Variants in DHX30 observed in about 807,000 individuals in gnomAD.
The protein encoded by DHX30 is DExH-box helicase 30, also known as ATP-dependent RNA helicase DHX30.
In DHX30, 4 loss-of-function variants were observed where a neutral mutation model predicts 116.9. The observed-to-expected ratio is 0.03, with a 90% CI of 0.02 to 0.08. The LOEUF (loss-of-function observed/expected upper bound fraction) is 0.08, where lower values mean the gene tolerates loss of function less well. Among genes scored for constraint, DHX30 ranks in the 10% least tolerant of loss-of-function variants. The pLI is 1.00. For synonymous variants in DHX30, 697 were observed against 651.7 expected (o/e 1.07, Z -1.06); for missense variants, 871 against 1,595.1 (o/e 0.55, Z 7.73).
chr3:47,833,603 T>C (rs1335832339), intron 6 of DHX30, among the ~76,000 whole-genome samples: 2 of 151,052 alleles, frequency 1.3e-5, no homozygotes, highest in African/African-American at 4.9e-5. Flanking sequence ...CTCATGCCTG[T>C]AATCTCAGCA....
chr3:47,805,315 G>C lies in DHX30; in HGVS notation c.-122-11G>C. 2.5e-6 allele frequency: 1 copy of C among 399,024 alleles called. No homozygotes were observed. The highest frequency in any genetic ancestry group is 4.4e-6 in the Non-Finnish European group (1 of 226,066). The allele number at this position is 399,024 out of a possible 1,614,324, so 24.7% of individuals were successfully genotyped here. The stretch of plus-strand genomic sequence containing the variant: ...GCCTCCACTGTATTGACTCAGCGTT[G>C]TACTTCTCAGGAGGAGGCCCAGCCT... On this transcript the variant is annotated splice_polypyrimidine_tract_variant and intron_variant, in intron 1 of 21. Transcript: ENST00000445061.
Position 47,846,962 on chromosome 3 carries a change from G to C in DHX30, c.1890G>C (p.Leu630Phe), listed in dbSNP as rs138537657. ...EHYLEDILAK[L>F]GKHQYLHRHR... The stretch of plus-strand genomic sequence containing the variant: ...ACCTAGAGGACATCCTGGCCAAGTT[G>C]GGCAAGCACCAGTACCTGCACCGGC... The change falls in exon 11 of 22, where the codon TTG (leucine) becomes TTC (phenylalanine). Residue 630 changes from leucine (L) to phenylalanine (F), a missense_variant. Physicochemically the swap from Leu to Phe is conservative, Grantham distance 22. Around this residue, in one of 13 missense-constraint regions of DHX30, gnomAD observed 61 missense variants for 106.7 expected, o/e 0.57. Transcript: ENST00000445061. 3 of 1,613,310 alleles carry C rather than the reference G, an allele frequency of 1.9e-6. No individual in the cohort carries two copies. In the African/African-American group the frequency reaches 4.0e-5, roughly 22 times the overall value.
chr3:47,828,867 G>T (rs2036672543), intron 5 of DHX30, among the ~76,000 whole-genome samples, 157 bp from the exon 6 acceptor site: 1 of 152,094 alleles, frequency 6.6e-6, no homozygotes, highest in African/African-American at 2.4e-5. Context: ...TTAATGATGG[G>T]ATTGGGGTTC....
In DHX30 at chr3:47,848,964, C is replaced by A; in HGVS notation, c.2814C>A (p.Ala938=). 6.2e-7 allele frequency: 1 copy of A among 1,613,292 alleles called. No homozygotes were observed. Among genetic ancestry groups the A allele is most frequent in the Non-Finnish European group, 8.5e-7 (1 of 1,179,642 alleles). ...ATGACAGCGGCAGTGACCACCTGGC[C>A]TTTGTGCGGGCTGTCGCCGGCTGGG... is the stretch of plus-strand genomic sequence containing the variant. ...LSHDSGSDHL[A]FVRAVAGWEE... The change falls in exon 18 of 22, where the codon GCC becomes GCA. Residue 938 remains alanine (A), a synonymous_variant. Coordinates refer to ENST00000445061, the MANE Select transcript of DHX30 (RefSeq NM_138615.3). The surrounding 1 kb of genome is among the most constrained non-coding windows in gnomAD (Gnocchi z 9.4).
intron 6 of DHX30, among the ~76,000 whole-genome samples, chr3:47,834,164 C>T (rs146424539): frequency 2.2e-3 from 340 of 152,214 alleles, no homozygotes; most frequent in African/African-American, 7.9e-3. Context: ...AGTGCAGTGG[C>T]GTGATCTTGG....
intron 6 of DHX30, among the ~76,000 whole-genome samples, chr3:47,830,013 G>A (rs2036768136): frequency 6.6e-6 from 1 of 151,140 alleles, no homozygotes; most frequent in Non-Finnish European, 1.5e-5. Context: ...TGTATTTTTA[G>A]TAGAGATGGG....
intron 1 of DHX30, among the ~76,000 whole-genome samples, chr3:47,804,711 G>C (rs936635713): frequency 6.6e-6 from 1 of 152,266 alleles, no homozygotes; most frequent in South Asian, 2.1e-4. Context: ...AAGAAAATTA[G>C]CCTAGTATAA....
At chr3:47,839,841 A>C in intron 6 of DHX30, among the ~76,000 whole-genome samples, 1 of 149,432 alleles carries the variant, frequency 6.7e-6, no homozygotes, top group South Asian at 2.1e-4. Context: ...ACGCCCGGCT[A>C]ATTTTTGTAT....
chr3:47,814,841 T>G (rs1017948733), intron 3 of DHX30, among the ~76,000 whole-genome samples: 1 of 151,788 alleles, frequency 6.6e-6, no homozygotes, highest in Non-Finnish European at 1.5e-5. Flanking sequence ...GTTAGTTTTG[T>G]TTTGTTTTGT....
At chr3:47,828,586 A>G (rs1286048371) in intron 5 of DHX30, among the ~76,000 whole-genome samples, 1 of 152,062 alleles carries the variant, frequency 6.6e-6, no homozygotes, top group Non-Finnish European at 1.5e-5. Context: ...CCTGGCTAAC[A>G]TAGTGAAATC....
At position 47,846,419 on chromosome 3, in the gene DHX30, G is replaced by A. The variant is rs770285831; in HGVS notation, c.1347G>A (p.Gln449=). 14 of 1,614,040 alleles carry A rather than the reference G, an allele frequency of 8.7e-6. No individual in the cohort carries two copies. The Admixed American group carries it at 2.3e-4, about 27-fold the overall frequency. Residue 449 remains glutamine (Q), a synonymous_variant, in exon 11 of 22, where the codon CAG becomes CAA. Coordinates refer to ENST00000445061, the MANE Select transcript of DHX30 (RefSeq NM_138615.3). ...HRDTILNAIE[Q]HPVVVISGDT... ...ACACCATCCTCAACGCCATTGAGCAGCACCCGGTGGTGGTCATCTCTGGGG... is the reference window on the plus strand; with the variant it reads ...ACACCATCCTCAACGCCATTGAGCAACACCCGGTGGTGGTCATCTCTGGGG...
rs2107143706 is a variant in DHX30 at position 47,848,288 on chromosome 3, C to T, written c.2395C>T (p.Arg799Trp). The change falls in exon 15 of 22, where the codon CGG becomes TGG. Residue 799 changes from arginine to tryptophan, a missense_variant. This residue lies in a region of DHX30 where 14 missense variants were observed against 16.2 expected (regional missense o/e 0.86). Coordinates refer to ENST00000445061, the MANE Select transcript of DHX30 (RefSeq NM_138615.3). This position sits in a 1 kb window ranked among gnomAD's most constrained non-coding sequence, Gnocchi z 9.4. Reference protein sequence around the residue: ...GFAYHLFPRSRLEKMVPFQVP... With the variant: ...GFAYHLFPRSWLEKMVPFQVP... ...TGCCTACCACTTGTTCCCTCGAAGC[C>T]GGCTGGAGAAAATGGTCCCTTTCCA... 1 of 1,613,876 alleles carries T rather than the reference C, an allele frequency of 6.2e-7. No individual in the cohort carries two copies. The highest frequency in any genetic ancestry group is 1.3e-5 in the African/African-American group (1 of 75,028).
Position 47,840,862 on chromosome 3 carries a change from C to G in DHX30, c.367-15C>G. The G allele has an allele frequency of 6.2e-7, 1 of 1,613,994 alleles. No homozygotes were observed. ...AGATGGTATCAATCCTTAAAACGTC[C>G]CTTTTCCCCTCCAGGGTTGGGGTCT... is the stretch of plus-strand genomic sequence containing the variant. On this transcript the variant is annotated splice_polypyrimidine_tract_variant and intron_variant, in intron 6 of 21. Coordinates refer to ENST00000445061, the MANE Select transcript of DHX30 (RefSeq NM_138615.3).
chr3:47,843,203 G>A lies in DHX30; in HGVS notation c.887G>A (p.Arg296His), dbSNP rs902500406. The change falls in exon 9 of 22, where the codon CGC becomes CAC. Residue 296 changes from arginine to histidine, a missense_variant. Around this residue, in one of 13 missense-constraint regions of DHX30, gnomAD observed 175 missense variants for 292.9 expected, o/e 0.60. Transcript: ENST00000445061. ...CPMTFVAKGR[R>H]KAEAENKAAA... Reference sequence around the variant, plus strand: ...ATGACCTTTGTTGCCAAAGGGCGCCGCAAAGCAGAGGCTGAGAATAAGGCG... The same window carrying A: ...ATGACCTTTGTTGCCAAAGGGCGCCACAAAGCAGAGGCTGAGAATAAGGCG... The A allele has an allele frequency of 1.2e-6, 2 of 1,614,162 alleles. No homozygotes were observed. Among genetic ancestry groups the A allele is most frequent in the South Asian group, 1.1e-5 (1 of 91,096 alleles).
intron 3 of DHX30, chr3:47,816,995 G>A: frequency 1.0e-6 from 1 of 978,596 alleles, no homozygotes; most frequent in Non-Finnish European, 1.2e-6. Flanking sequence ...CAGCTCCTTT[G>A]CTTTCAGAAT....
At chr3:47,832,537 A>G (rs756924381) in intron 6 of DHX30, among the ~76,000 whole-genome samples, 2 of 151,946 alleles carry the variant, frequency 1.3e-5, no homozygotes, top group Non-Finnish European at 2.9e-5. Context: ...TCTGTGTTTA[A>G]TGTCTCGAAA....
chr3:47,841,919 C>T, intron 8 of DHX30, 182 bp downstream of exon 8: 1 of 797,144 alleles, frequency 1.3e-6, no homozygotes, highest in Non-Finnish European at 2.0e-6. Context: ...GGTCAAGCCT[C>T]AGCAGCACAG....
chr3:47,833,154 AAC>A (rs1357505635), intron 6 of DHX30, among the ~76,000 whole-genome samples: 1 of 152,030 alleles, frequency 6.6e-6, no homozygotes, highest in Non-Finnish European at 1.5e-5. Flanking sequence ...CACTTTCATA[AAC>A]ACAGAATGAA....
intron 4 of DHX30, chr3:47,826,062 C>T (rs2036538542): frequency 6.6e-6 from 1 of 152,230 alleles, no homozygotes; most frequent in South Asian, 2.1e-4. Flanking sequence ...ATAGAGTCGC[C>T]TCCAACATCG....
Sources: gnomAD v4.1 joint callset for allele counts (sites outside exome capture counted in the v4.1 genomes callset) on GRCh38, gnomAD v4.1.1 for gene constraint, gnomAD v4.1.1 regional missense constraint, Gnocchi (gnomAD v3.1) non-coding constraint, MANE v1.5 for transcripts, NCBI Gene and HGNC (gene_info 2026-07-23, HGNC 2026-07-21) for gene names.